The following CNOT6L variants were observed in gnomAD, a reference collection of about 807,000 sequenced individuals.
CNOT6L encodes the protein CCR4-NOT transcription complex subunit 6-like.
In CNOT6L, 7 loss-of-function variants were observed where a neutral mutation model predicts 64.0. That is an observed-to-expected ratio of 0.11 (90% CI 0.06 to 0.21). CNOT6L has a LOEUF of 0.21. CNOT6L is among the 10% of genes least tolerant of loss of function. The probability of loss-of-function intolerance (pLI) is 1.00; values close to 1 mark genes in which losing one functional copy is unlikely to be tolerated. For synonymous variants in CNOT6L, 193 were observed against 243.4 expected, an observed-to-expected ratio of 0.79 and a Z score of 1.93; for missense variants, 245 against 669.0, an observed-to-expected ratio of 0.37 and a Z score of 6.99.
chr4:77,755,073 G>A (rs915109428), intron 5 of CNOT6L, among the ~76,000 whole-genome samples: 4 of 151,196 alleles, frequency 2.6e-5, no homozygotes, highest in Non-Finnish European at 3.0e-5. Context: ...TTAAGAGAAC[G>A]AAAAATTTAA....
At chr4:77,786,760 A>G (rs1277168963) in intron 1 of CNOT6L, among the ~76,000 whole-genome samples, 1 of 150,986 alleles carries the variant, frequency 6.6e-6, no homozygotes, top group East Asian at 2.0e-4. Flanking sequence ...TACAGGTGTG[A>G]GCCAAGGCCT....
intron 1 of CNOT6L, among the ~76,000 whole-genome samples, chr4:77,790,625 G>T (rs1730020881): frequency 6.6e-6 from 1 of 152,016 alleles, no homozygotes; most frequent in African/African-American, 2.4e-5. Flanking sequence ...GTATCTCATT[G>T]TTGTTTACAA....
intron 5 of CNOT6L, among the ~76,000 whole-genome samples, chr4:77,754,903 A>AAAAAAAAAAAC: frequency 1.4e-5 from 2 of 146,380 alleles, no homozygotes; most frequent in Non-Finnish European, 3.0e-5. Context: ...AAAAAAAAAA[A>AAAAAAAAAAAC]AAAAAAAAAA....
intron 11 of CNOT6L, among the ~76,000 whole-genome samples, chr4:77,725,070 G>A (rs1721687621): frequency 1.3e-5 from 2 of 152,118 alleles, no homozygotes; most frequent in Non-Finnish European, 2.9e-5. Context: ...CTACATACAA[G>A]TGGCTGGAAC....
chr4:77,789,864 T>C (rs367719828), intron 1 of CNOT6L, among the ~76,000 whole-genome samples: 1 of 149,998 alleles, frequency 6.7e-6, no homozygotes, highest in Non-Finnish European at 1.5e-5. Flanking sequence ...GGTGAGGGGA[T>C]TGCTTGAGCC....
intron 1 of CNOT6L, among the ~76,000 whole-genome samples, chr4:77,804,443 A>AT (rs755668039): frequency 6.6e-6 from 1 of 151,870 alleles, no homozygotes; most frequent in Non-Finnish European, 1.5e-5. Context: ...AAAAAAAAAA[A>AT]GGAATGAAAT....
intron 4 of CNOT6L, among the ~76,000 whole-genome samples, chr4:77,761,334 G>A (rs1320492909): frequency 6.6e-5 from 10 of 151,852 alleles, no homozygotes; most frequent in African/African-American, 2.4e-4. Flanking sequence ...ATGGCTATAG[G>A]GGAAAAAAAG....
intron 1 of CNOT6L, among the ~76,000 whole-genome samples, chr4:77,782,143 C>T (rs141613319): frequency 8.1e-4 from 123 of 152,218 alleles, no homozygotes; most frequent in South Asian, 1.7e-3. Flanking sequence ...CCAAAAGTTA[C>T]GGAAGGGAAA....
chr4:77,788,414 GAGAA>G (rs1275220821), intron 1 of CNOT6L, among the ~76,000 whole-genome samples: 1 of 152,128 alleles, frequency 6.6e-6, no homozygotes, highest in Non-Finnish European at 1.5e-5. Context: ...CTTTTTAAAT[GAGAA>G]AGAACATATT....
rs374006315 is a variant in CNOT6L at position 77,720,442 on chromosome 4, T to C, written c.1657A>G (p.Asn553Asp). The change falls in exon 12 of 12, where the codon AAT becomes GAT. Residue 553 changes from asparagine (N) to aspartate (D), a missense_variant. Around this residue, in one of 10 missense-constraint regions of CNOT6L, gnomAD observed 7 missense variants for 26.5 expected, o/e 0.26. Transcript: ENST00000504123. ...GGGGCAGTACTCCACTACCTCCGAT[T>C]AGGCAAGTGAACACCATTGACAAGA... ...LPLVNGVHLP[N>D]RR 5.0e-5 allele frequency: 80 copies of C among 1,613,334 alleles called. No individual in the cohort carries two copies. The highest frequency in any genetic ancestry group is 6.5e-5 in the Non-Finnish European group (77 of 1,179,506).
At chr4:77,746,378 T>A (rs532075625) in intron 6 of CNOT6L, among the ~76,000 whole-genome samples, 1 of 152,292 alleles carries the variant, frequency 6.6e-6, no homozygotes, top group African/African-American at 2.4e-5. Context: ...ATATAGTTTA[T>A]CATGTTTTTA....
At chr4:77,734,643 A>G (rs546693714) in intron 8 of CNOT6L, among the ~76,000 whole-genome samples, 1 of 152,282 alleles carries the variant, frequency 6.6e-6, no homozygotes, top group African/African-American at 2.4e-5. Context: ...TACCTCAGTT[A>G]AGTATCACTT....
At chr4:77,790,157 G>A (rs544347514) in intron 1 of CNOT6L, among the ~76,000 whole-genome samples, 24 of 151,898 alleles carry the variant, frequency 1.6e-4, no homozygotes, top group South Asian at 2.1e-4. Context: ...GGACTCATAC[G>A]GTGTGTAGTC....
chr4:77,815,157 A>G (rs1733419803), intron 1 of CNOT6L, among the ~76,000 whole-genome samples: 1 of 152,212 alleles, frequency 6.6e-6, no homozygotes, highest in Non-Finnish European at 1.5e-5. Context: ...AAGAAAATTC[A>G]AAAAATGTGT....
chr4:77,779,074 C>CAAA (rs1560420025), intron 1 of CNOT6L, among the ~76,000 whole-genome samples: 2 of 74,154 alleles, frequency 2.7e-5, no homozygotes, highest in African/African-American at 5.1e-5. Flanking sequence ...AAAAAAAAAA[C>CAAA]ACAAAAAACA....
At chr4:77,737,066 G>A (rs1723033978) in intron 8 of CNOT6L, among the ~76,000 whole-genome samples, 1 of 152,182 alleles carries the variant, frequency 6.6e-6, no homozygotes, top group South Asian at 2.1e-4. Context: ...AGAGAGGACA[G>A]TGACTGCCAA....
At chr4:77,806,286 G>A (rs1201932807) in intron 1 of CNOT6L, among the ~76,000 whole-genome samples, 6 of 152,092 alleles carry the variant, frequency 3.9e-5, no homozygotes, top group African/African-American at 7.2e-5. Context: ...TTAGCCGGGC[G>A]TGGTGGCGCA....
At chr4:77,818,759 G>C (rs1384538963) in intron 1 of CNOT6L, among the ~76,000 whole-genome samples, 2 of 151,916 alleles carry the variant, frequency 1.3e-5, no homozygotes, top group Admixed American at 1.3e-4. Flanking sequence ...GTGGGCTCGC[G>C]CGGGCTCGCC....
In CNOT6L at chr4:77,812,032, C is replaced by A. The variant is rs187524438; in HGVS notation, c.5+7272G>T. The stretch of plus-strand genomic sequence containing the variant: ...AATGTTCTGGAGGTTCTATCCAGGG[C>A]AATTAAGCAAGAAAAGGAACTAAAA... On this transcript the variant is annotated intron_variant, in intron 1 of 11. Coordinates refer to ENST00000504123, the MANE Select transcript of CNOT6L (RefSeq NM_144571.3). Among the ~76,000 whole-genome samples the A allele has an allele frequency of 1.2e-4, 18 of 152,106 alleles. No homozygotes were observed. The East Asian group carries it at 1.7e-3, about 15-fold the overall frequency.
Sources: allele counts gnomAD v4.1 joint callset (sites outside exome capture counted in the v4.1 genomes callset), GRCh38; gene constraint gnomAD v4.1.1; regional missense constraint gnomAD v4.1.1; transcripts MANE v1.5; gene names NCBI Gene and HGNC (gene_info 2026-07-23, HGNC 2026-07-21).